The following DAB1 variants were observed in gnomAD, a reference collection of about 807,000 sequenced individuals.
The protein encoded by DAB1 is DAB adaptor protein 1, also known as disabled homolog 1.
A neutral mutation model predicts 64.6 loss-of-function variants in DAB1; 15 were observed. The ratio of observed to expected loss-of-function variants is 0.23; its 90% CI spans 0.16 to 0.36. DAB1 has a LOEUF of 0.36. Ranked by LOEUF, DAB1 falls within the 10% of genes least tolerant of loss-of-function variation. The probability of loss-of-function intolerance (pLI) is 1.00; values close to 1 mark genes in which losing one functional copy is unlikely to be tolerated. For missense variants in DAB1, 596 were observed against 706.7 expected, an observed-to-expected ratio of 0.84 and a Z score of 1.78; for synonymous variants, 235 against 251.9, an observed-to-expected ratio of 0.93 and a Z score of 0.64.
At chr1:57,574,279 T>G (rs894854861) in intron 7 of DAB1, among the ~76,000 whole-genome samples, 3 of 151,996 alleles carry the variant, frequency 2.0e-5, no homozygotes, top group African/African-American at 7.2e-5. Context: ...GCTGGAGGAT[T>G]TGTGGGAGGT....
chr1:58,328,769 C>T (rs367802086), intron 4 of DAB1, among the ~76,000 whole-genome samples: 14 of 152,270 alleles, frequency 9.2e-5, no homozygotes, highest in African/African-American at 3.4e-4. Flanking sequence ...CCGTGCCTGG[C>T]TAATTTTTGT....
At chr1:57,582,345 A>C (rs1371514412) in intron 7 of DAB1, among the ~76,000 whole-genome samples, 4 of 152,178 alleles carry the variant, frequency 2.6e-5, no homozygotes, top group African/African-American at 7.2e-5. Flanking sequence ...TTTATCAAAC[A>C]ACCAGGTCTT....
chr1:57,008,917 T>C (rs1646178917), intron 14 of DAB1, among the ~76,000 whole-genome samples: 1 of 152,190 alleles, frequency 6.6e-6, no homozygotes, highest in Admixed American at 6.5e-5. Context: ...CCCACACTAC[T>C]ATGCTATGTC....
chr1:57,496,012 C>T (rs145891152), intron 7 of DAB1, among the ~76,000 whole-genome samples: 1 of 152,184 alleles, frequency 6.6e-6, no homozygotes, highest in African/African-American at 2.4e-5. Flanking sequence ...AGATGAATGA[C>T]CAGATATAAG....
At chr1:57,399,138 T>C (rs1433856157) in intron 1 of DAB1, among the ~76,000 whole-genome samples, 1 of 152,160 alleles carries the variant, frequency 6.6e-6, no homozygotes, top group Non-Finnish European at 1.5e-5. Context: ...AACTCACCAT[T>C]AACATGATGC....
intron 5 of DAB1, among the ~76,000 whole-genome samples, chr1:58,098,960 G>C (rs1022913006): frequency 3.9e-5 from 6 of 152,206 alleles, no homozygotes; most frequent in Admixed American, 1.3e-4. Flanking sequence ...CAGTGGCACA[G>C]AGCCAGGTGG....
intron 11 of DAB1, among the ~76,000 whole-genome samples, chr1:57,018,014 A>T (rs13374012): frequency 0.04 from 6,058 of 152,262 alleles, 389 homozygotes; most frequent in African/African-American, 0.14. Context: ...TTGACAGTAG[A>T]CATCCTATTA....
Position 57,990,387 on chromosome 1 carries a change from C to T in DAB1, n.388-106225G>A, listed in dbSNP as rs139885509. On this transcript the variant is annotated intron_variant and non_coding_transcript_variant, in intron 5 of 20. Coordinates refer to the DAB1 transcript ENST00000485760. Reference sequence around the variant, plus strand: ...CATGCTCTTCACCAACAAAGCCCAACTTGATTTAATTTATCCCCAAACATA... The same window carrying T: ...CATGCTCTTCACCAACAAAGCCCAATTTGATTTAATTTATCCCCAAACATA... Among the ~76,000 whole-genome samples the T allele has an allele frequency of 3.5e-3, 533 of 152,356 alleles. 2 individuals carry two copies. Among genetic ancestry groups the T allele is most frequent in the African/African-American group, 0.012 (498 of 41,584 alleles).
chr1:58,417,205 T>C (rs1055715928), intron 3 of DAB1, among the ~76,000 whole-genome samples: 51 of 152,170 alleles, frequency 3.4e-4, no homozygotes, highest in African/African-American at 1.2e-3. Flanking sequence ...TTAGGAGTCT[T>C]TGGTCACAAC....
chr1:57,103,899 G>A (rs544356537), intron 4 of DAB1, among the ~76,000 whole-genome samples: 5 of 152,208 alleles, frequency 3.3e-5, no homozygotes, highest in Admixed American at 6.5e-5. Context: ...GACAATGACC[G>A]CAGCTGACAC....
chr1:57,334,605 G>A (rs912637680), intron 1 of DAB1, among the ~76,000 whole-genome samples: 2 of 152,210 alleles, frequency 1.3e-5, no homozygotes, highest in African/African-American at 4.8e-5. Context: ...ACAACCCTGT[G>A]AGGAAGGCGC....
At chr1:57,287,804 T>TTATTTATTTATC (rs1210409814) in intron 2 of DAB1, among the ~76,000 whole-genome samples, 39 of 148,674 alleles carry the variant, frequency 2.6e-4, no homozygotes, top group African/African-American at 9.3e-4. Context: ...ATTTATTTAT[T>TTATTTATTTATC]TATTTATTTG....
In DAB1 at chr1:58,255,578, GA is replaced by G. The variant is rs991665030; in HGVS notation, n.309+87773del. ...TATCTCTCCCAGTCTCAAACATATG[GA>G]AAAAATAAAATAAAATGTTCAGCTT... On this transcript the variant is annotated intron_variant and non_coding_transcript_variant, in intron 4 of 20. Transcript: ENST00000485760. Among the ~76,000 whole-genome samples, 8 of 152,026 alleles carry G rather than the reference GA, an allele frequency of 5.3e-5. No individual in the cohort carries two copies. The South Asian group carries it at 1.7e-3, about 32-fold the overall frequency.
intron 7 of DAB1, among the ~76,000 whole-genome samples, chr1:57,443,211 A>T (rs1686018267): frequency 1.3e-5 from 2 of 152,188 alleles, no homozygotes; most frequent in Non-Finnish European, 2.9e-5. Context: ...CAGTTTAGGG[A>T]TACATGACTC....
At chr1:57,690,003 T>C (rs1361058168) in intron 6 of DAB1, among the ~76,000 whole-genome samples, 1 of 152,174 alleles carries the variant, frequency 6.6e-6, no homozygotes, top group Admixed American at 6.6e-5. Context: ...TGATAACACA[T>C]CATGTTTGTC....
intron 1 of DAB1, among the ~76,000 whole-genome samples, chr1:57,404,101 TA>T (rs922613049): frequency 0.012 from 1,824 of 150,944 alleles, 47 homozygotes; most frequent in African/African-American, 0.042. Context: ...AGCATTATGT[TA>T]AAAAAAAATT....
At chr1:58,253,328 TG>T (rs1660849197) in intron 4 of DAB1, among the ~76,000 whole-genome samples, 1 of 152,332 alleles carries the variant, frequency 6.6e-6, no homozygotes, top group South Asian at 2.1e-4. Context: ...CACTGGCAAC[TG>T]GTTAACAACT....
At chr1:58,402,185 C>T (rs1405171270) in intron 3 of DAB1, among the ~76,000 whole-genome samples, 2 of 152,180 alleles carry the variant, frequency 1.3e-5, no homozygotes, top group African/African-American at 2.4e-5. Flanking sequence ...TCCAACTCCA[C>T]TCCAGCCGTA....
At chr1:57,370,267 G>A (rs560618262) in intron 1 of DAB1, among the ~76,000 whole-genome samples, 46 of 152,246 alleles carry the variant, frequency 3.0e-4, no homozygotes, top group South Asian at 1.9e-3. Context: ...ATGAATGATT[G>A]CAATAAAAGG....
Sources: gnomAD v4.1 joint callset for allele counts (sites outside exome capture counted in the v4.1 genomes callset) on GRCh38, gnomAD v4.1.1 for gene constraint, MANE v1.5 for transcripts, NCBI Gene and HGNC (gene_info 2026-07-23, HGNC 2026-07-21) for gene names.